The following SRRM4 variants were observed in gnomAD, a reference collection of about 807,000 sequenced individuals.
The protein encoded by SRRM4 is serine/arginine repetitive matrix protein 4.
Under a neutral mutation model 68.9 loss-of-function variants are expected in SRRM4, and 33 were observed. That is an observed-to-expected ratio of 0.48 (90% CI 0.36 to 0.64). The LOEUF (loss-of-function observed/expected upper bound fraction) is 0.64, where lower values mean the gene tolerates loss of function less well. SRRM4 is among the 30% of genes least tolerant of loss of function. SRRM4 has a pLI of 0.00. For synonymous variants in SRRM4, 318 were observed against 318.8 expected (o/e 1.00, Z 0.03); for missense variants, 817 against 827.1 (o/e 0.99, Z 0.15).
At chr12:119,013,475 TA>T (rs1398800469) in intron 1 of SRRM4, among the ~76,000 whole-genome samples, 2 of 152,220 alleles carry the variant, frequency 1.3e-5, no homozygotes, top group Admixed American at 6.5e-5. Context: ...GCAGAAGTAT[TA>T]AAAAACCCCA....
intron 1 of SRRM4, among the ~76,000 whole-genome samples, chr12:119,074,738 CT>C (rs918121576): frequency 4.0e-4 from 61 of 152,172 alleles, no homozygotes; most frequent in African/African-American, 1.4e-3. Context: ...CACCACACCC[CT>C]GACCCTGTGA....
intron 1 of SRRM4, among the ~76,000 whole-genome samples, chr12:119,004,375 A>T (rs753087122): frequency 6.6e-6 from 1 of 152,030 alleles, no homozygotes; most frequent in African/African-American, 2.4e-5. Flanking sequence ...GAAGTTTTCT[A>T]TCTGTCTCCC....
chr12:119,016,012 G>A (rs765276380), intron 1 of SRRM4, among the ~76,000 whole-genome samples: 14 of 151,844 alleles, frequency 9.2e-5, no homozygotes, highest in Non-Finnish European at 2.1e-4. Flanking sequence ...GTTAAGATGA[G>A]GTCACACAAG....
At chr12:119,051,464 T>A (rs946297194) in intron 1 of SRRM4, among the ~76,000 whole-genome samples, 1 of 152,178 alleles carries the variant, frequency 6.6e-6, no homozygotes, top group Non-Finnish European at 1.5e-5. Flanking sequence ...AAGCTGCTTT[T>A]TTTCTTAGTT....
intron 1 of SRRM4, among the ~76,000 whole-genome samples, chr12:119,022,626 C>A (rs1953523270): frequency 6.6e-6 from 1 of 152,192 alleles, no homozygotes; most frequent in Non-Finnish European, 1.5e-5. Flanking sequence ...TATTATCTAA[C>A]ATTTGCAGAG....
intron 2 of SRRM4, among the ~76,000 whole-genome samples, chr12:119,111,196 A>T (rs1328628905): frequency 1.3e-5 from 2 of 152,234 alleles, no homozygotes; most frequent in Non-Finnish European, 2.9e-5. Context: ...AGCATACACA[A>T]GCATTATGTA....
intron 6 of SRRM4, among the ~76,000 whole-genome samples, chr12:119,123,580 G>A (rs959927770): frequency 1.8e-4 from 28 of 152,202 alleles, no homozygotes; most frequent in African/African-American, 6.7e-4. Context: ...AGCTGGATGA[G>A]CCCCAGAAAT....
chr12:119,064,535 T>C (rs1486677667), intron 1 of SRRM4, among the ~76,000 whole-genome samples: 1 of 152,196 alleles, frequency 6.6e-6, no homozygotes, highest in Non-Finnish European at 1.5e-5. Flanking sequence ...GGTTGGCATG[T>C]GGTGTAGTGG....
At chr12:119,074,511 C>T (rs915284909) in intron 1 of SRRM4, among the ~76,000 whole-genome samples, 2 of 152,084 alleles carry the variant, frequency 1.3e-5, no homozygotes, top group Admixed American at 1.3e-4. Context: ...TGACCTGTAC[C>T]CAGTGGGCTT....
intron 1 of SRRM4, among the ~76,000 whole-genome samples, chr12:119,020,551 A>C (rs368619084): frequency 2.8e-4 from 42 of 152,190 alleles, no homozygotes; most frequent in African/African-American, 9.6e-4. Context: ...AAACAGCGCA[A>C]GGAATGAAAT....
chr12:119,126,448 C>T (rs1954260669), intron 7 of SRRM4, among the ~76,000 whole-genome samples: 1 of 152,110 alleles, frequency 6.6e-6, no homozygotes, highest in South Asian at 2.1e-4. Context: ...CTTTACTAGT[C>T]TCTTAGCAAC....
intron 1 of SRRM4, among the ~76,000 whole-genome samples, chr12:119,053,647 C>T (rs1483056560): frequency 3.3e-5 from 5 of 152,128 alleles, no homozygotes; most frequent in Admixed American, 2.6e-4. Flanking sequence ...ACCTGCTGTG[C>T]GTATTTTGTG....
chr12:119,132,031 C>T (rs971300799), intron 8 of SRRM4, among the ~76,000 whole-genome samples: 3 of 152,322 alleles, frequency 2.0e-5, no homozygotes, highest in African/African-American at 7.2e-5. Flanking sequence ...CAGGAATCTT[C>T]TTTACCAGTC....
chr12:118,984,805 G>A (rs566852029), intron 1 of SRRM4, among the ~76,000 whole-genome samples: 17 of 152,084 alleles, frequency 1.1e-4, no homozygotes, highest in Non-Finnish European at 2.1e-4. Context: ...GAACAGTAGA[G>A]CAGAGTGGGA....
Position 119,035,860 on chromosome 12 carries a change from T to C in SRRM4, c.131+53847T>C, listed in dbSNP as rs140890940. On this transcript the variant is annotated intron_variant, in intron 1 of 12. Transcript: ENST00000267260. Reference sequence around the variant, plus strand: ...CTTCTGTACTTTGAGTCTTTTCATATGGCTAAATGTCTTTATCTGCTGGCC... The same window carrying C: ...CTTCTGTACTTTGAGTCTTTTCATACGGCTAAATGTCTTTATCTGCTGGCC... Among the ~76,000 whole-genome samples, 915 of 152,266 alleles carry C rather than the reference T, an allele frequency of 6.0e-3. 9 individuals are homozygous for C. Among genetic ancestry groups the C allele is most frequent in the African/African-American group, 0.014 (578 of 41,562 alleles).
intron 1 of SRRM4, among the ~76,000 whole-genome samples, chr12:119,082,060 G>A (rs992668310): frequency 2.0e-5 from 3 of 152,224 alleles, no homozygotes; most frequent in Non-Finnish European, 4.4e-5. Context: ...CAGCCACTGG[G>A]TTGTTCTGCA....
intron 1 of SRRM4, chr12:118,992,311 C>T (rs1438854302): frequency 6.6e-6 from 1 of 152,216 alleles, no homozygotes; most frequent in Admixed American, 6.5e-5. Context: ...GGTGACCCCA[C>T]CCACGCTGTG....
intron 1 of SRRM4, among the ~76,000 whole-genome samples, chr12:119,086,985 G>A (rs1168163416): frequency 2.0e-5 from 3 of 152,174 alleles, no homozygotes; most frequent in Non-Finnish European, 4.4e-5. Context: ...GCCCAAGGTG[G>A]GAGGCAGTGC....
chr12:119,076,145 G>A (rs1953914539), intron 1 of SRRM4, among the ~76,000 whole-genome samples: 1 of 148,266 alleles, frequency 6.7e-6, no homozygotes, highest in South Asian at 2.2e-4. Flanking sequence ...TGATGACAAT[G>A]GGAATAATGA....
Sources: gnomAD v4.1 joint callset for allele counts (sites outside exome capture counted in the v4.1 genomes callset) on GRCh38, gnomAD v4.1.1 for gene constraint, MANE v1.5 for transcripts, NCBI Gene and HGNC (gene_info 2026-07-23, HGNC 2026-07-21) for gene names.